The following DAB1 variants were observed in gnomAD, a reference collection of about 807,000 sequenced individuals.
DAB1 encodes the protein disabled homolog 1.
Under a neutral mutation model 64.6 loss-of-function variants are expected in DAB1, and 15 were observed. The observed-to-expected ratio is 0.23, with a 90% CI of 0.16 to 0.36. DAB1 has a LOEUF of 0.36. Among genes scored for constraint, DAB1 ranks in the 10% least tolerant of loss-of-function variants. The probability of loss-of-function intolerance (pLI) is 1.00; values close to 1 mark genes in which losing one functional copy is unlikely to be tolerated. For missense variants in DAB1, 596 were observed against 706.7 expected, an observed-to-expected ratio of 0.84 and a Z score of 1.78; for synonymous variants, 235 against 251.9, an observed-to-expected ratio of 0.93 and a Z score of 0.64.
chr1:57,967,994 C>T (rs899768569), intron 5 of DAB1, among the ~76,000 whole-genome samples: 6 of 152,076 alleles, frequency 3.9e-5, no homozygotes, highest in Non-Finnish European at 7.4e-5. Flanking sequence ...AACATAGCGC[C>T]GAACATGTAA....
At chr1:57,523,287 C>A (rs549980912) in intron 7 of DAB1, among the ~76,000 whole-genome samples, 2 of 152,126 alleles carry the variant, frequency 1.3e-5, no homozygotes, top group South Asian at 4.2e-4. Flanking sequence ...AGAGAAAATA[C>A]CAAAAGATAC....
intron 5 of DAB1, among the ~76,000 whole-genome samples, chr1:57,895,520 A>G (rs1179554120): frequency 5.3e-4 from 81 of 152,228 alleles, no homozygotes; most frequent in Non-Finnish European, 1.8e-4. Flanking sequence ...GGCACTCAGG[A>G]TACAGTGAGG....
intron 1 of DAB1, among the ~76,000 whole-genome samples, chr1:57,827,003 T>C (rs1384652596): frequency 6.6e-6 from 1 of 152,248 alleles, no homozygotes; most frequent in African/African-American, 2.4e-5. Flanking sequence ...TCTATTTGCC[T>C]CTCTGGCTTT....
chr1:57,033,630 G>A lies in DAB1; in HGVS notation c.724-7587C>T, dbSNP rs1647035416. ...AAGTGAATGACACACAAATGACATG[G>A]ATTTATGAGTTTAATGATGACAGTA... On this transcript the variant is annotated intron_variant, in intron 9 of 14. Coordinates refer to ENST00000371236, the MANE Select transcript of DAB1 (RefSeq NM_001365792.1). The A allele has an allele frequency of 2.1e-5, 31 of 1,507,504 alleles. No homozygotes were observed. In the South Asian group the frequency reaches 3.1e-4, roughly 15 times the overall value. The allele number at this position is 1,507,504 out of a possible 1,614,324, so 93.4% of individuals were successfully genotyped here.
At chr1:57,619,504 G>T (rs1245694169) in intron 7 of DAB1, among the ~76,000 whole-genome samples, 1 of 152,114 alleles carries the variant, frequency 6.6e-6, no homozygotes, top group Admixed American at 6.5e-5. Context: ...GGGCTCAGGT[G>T]ATCCTTTCAC....
At chr1:58,187,864 C>T (rs1438179504) in intron 4 of DAB1, among the ~76,000 whole-genome samples, 4 of 149,426 alleles carry the variant, frequency 2.7e-5, no homozygotes, top group Non-Finnish European at 4.4e-5. Flanking sequence ...CAGGTGTGAG[C>T]CACCTGGCCT....
intron 1 of DAB1, among the ~76,000 whole-genome samples, chr1:57,319,536 C>T (rs940707208): frequency 2.6e-5 from 4 of 152,126 alleles, no homozygotes; most frequent in Non-Finnish European, 5.9e-5. Flanking sequence ...ACACAAAACA[C>T]CCCCTCCCCC....
intron 5 of DAB1, among the ~76,000 whole-genome samples, chr1:58,110,463 G>C (rs1295444112): frequency 6.6e-6 from 1 of 152,194 alleles, no homozygotes; most frequent in Non-Finnish European, 1.5e-5. Flanking sequence ...CACCTAGCTT[G>C]AGTCAACCAG....
chr1:58,074,580 A>ATGTGTGTG (rs1649520112), intron 5 of DAB1, among the ~76,000 whole-genome samples: 3 of 123,174 alleles, frequency 2.4e-5, no homozygotes, highest in Admixed American at 9.0e-5. Context: ...ATATATATAT[A>ATGTGTGTG]TATATATATA....
intron 6 of DAB1, among the ~76,000 whole-genome samples, chr1:57,702,193 T>C (rs1256013675): frequency 6.6e-6 from 1 of 152,104 alleles, no homozygotes; most frequent in Non-Finnish European, 1.5e-5. Context: ...TGCTTGGAGT[T>C]TTTTCACTTG....
At position 57,151,877 on chromosome 1, in the gene DAB1, G is replaced by A. The variant is rs112331027; in HGVS notation, c.68-6448C>T. ...TGCCCAGGCTGGAGTGCAGTAGCTCGATCTCTGCTCACTGCAACCTCCACC... is the reference window on the plus strand; with the variant it reads ...TGCCCAGGCTGGAGTGCAGTAGCTCAATCTCTGCTCACTGCAACCTCCACC... On this transcript the variant is annotated intron_variant, in intron 2 of 14. Coordinates refer to ENST00000371236, the MANE Select transcript of DAB1 (RefSeq NM_001365792.1). 5.7e-3 allele frequency among the ~76,000 whole-genome samples: 777 copies of A among 135,410 alleles called. 8 individuals are homozygous for A. Among genetic ancestry groups the A allele is most frequent in the African/African-American group, 0.021 (747 of 35,108 alleles). The allele number at this position is 135,410 out of a possible 152,430, so 88.8% of individuals were successfully genotyped here.
chr1:57,758,298 G>A (rs1256378551), intron 6 of DAB1, among the ~76,000 whole-genome samples: 1 of 152,122 alleles, frequency 6.6e-6, no homozygotes, highest in Non-Finnish European at 1.5e-5. Context: ...GAGGCTCAGT[G>A]AGGATAAAGA....
At chr1:57,820,148 AAACCAGCC>A (rs1652053449) in intron 6 of DAB1, among the ~76,000 whole-genome samples, 2 of 152,188 alleles carry the variant, frequency 1.3e-5, no homozygotes, top group Non-Finnish European at 2.9e-5. Flanking sequence ...AAAAGAGCAG[AAACCAGCC>A]ACATGATGCT....
chr1:58,499,493 GATAGATAGATAGATAA>G (rs1343029717), intron 3 of DAB1, among the ~76,000 whole-genome samples: 6 of 149,554 alleles, frequency 4.0e-5, no homozygotes, highest in African/African-American at 1.3e-4. Context: ...TAGATAGATA[GATAGATAGATAGATAA>G]ATAGATAGAT....
At chr1:58,048,641 C>A in intron 5 of DAB1, 1 of 1,231,984 alleles carries the variant, frequency 8.1e-7, no homozygotes, top group Non-Finnish European at 1.2e-6. Context: ...GTTTCCTCCA[C>A]AACCAAAGTT....
At chr1:57,205,556 G>A (rs1192210024) in intron 2 of DAB1, among the ~76,000 whole-genome samples, 2 of 152,170 alleles carry the variant, frequency 1.3e-5, no homozygotes, top group Non-Finnish European at 2.9e-5. Context: ...AGAACTAAGA[G>A]TGATTCATCA....
chr1:57,130,727 T>G (rs1657579792), intron 4 of DAB1, among the ~76,000 whole-genome samples: 1 of 135,546 alleles, frequency 7.4e-6, no homozygotes. Flanking sequence ...ATGGTGGTTA[T>G]CAGAGGGAGG....
intron 3 of DAB1, among the ~76,000 whole-genome samples, chr1:58,493,806 T>C (rs1645744070): frequency 1.3e-5 from 2 of 151,948 alleles, no homozygotes; most frequent in African/African-American, 4.8e-5. Context: ...TGCTCATGGG[T>C]AGGAAGAATC....
chr1:57,324,243 G>C (rs184985141), intron 1 of DAB1, among the ~76,000 whole-genome samples: 41 of 152,320 alleles, frequency 2.7e-4, no homozygotes, highest in Middle Eastern at 6.8e-3. Context: ...TATTACAGAG[G>C]AGGAGTCGGG....
Sources: allele counts gnomAD v4.1 joint callset (sites outside exome capture counted in the v4.1 genomes callset), GRCh38; gene constraint gnomAD v4.1.1; transcripts MANE v1.5; gene names NCBI Gene and HGNC (gene_info 2026-07-23, HGNC 2026-07-21).